RPS6KA2: variants seen among roughly 807,000 people sequenced by gnomAD.
RPS6KA2 encodes ribosomal protein S6 kinase A2.
Under a neutral mutation model 91.8 loss-of-function variants are expected in RPS6KA2, and 42 were observed. The ratio of observed to expected loss-of-function variants is 0.46; its 90% CI spans 0.36 to 0.59. The LOEUF is 0.59. RPS6KA2 is among the 20% of genes least tolerant of loss of function. The pLI is 0.00. For missense variants in RPS6KA2, 798 were observed against 978.5 expected (o/e 0.82, Z 2.46); for synonymous variants, 414 against 393.6 (o/e 1.05, Z -0.61).
intron 12 of RPS6KA2, among the ~76,000 whole-genome samples, chr6:166,454,298 G>C (rs1303854131): frequency 6.6e-6 from 1 of 152,162 alleles, no homozygotes; most frequent in Admixed American, 6.5e-5. Context: ...AGGAGTTCAC[G>C]ACCAGCCTAA....
chr6:166,631,539 T>C (rs1787076140), upstream of RPS6KA2, among the ~76,000 whole-genome samples: 1 of 152,266 alleles, frequency 6.6e-6, no homozygotes, highest in African/African-American at 2.4e-5. Flanking sequence ...TTAAATACTA[T>C]GTTCCTTCAT....
chr6:166,748,783 T>C (rs868490232), intron 2 of RPS6KA2, among the ~76,000 whole-genome samples: 1 of 214 alleles, frequency 4.7e-3, no homozygotes, highest in Non-Finnish European at 6.5e-3. Flanking sequence ...TGGGCCCCCA[T>C]TTCCTCAGGC....
intron 2 of RPS6KA2, chr6:166,757,688 A>T (rs1007993639): frequency 4.5e-6 from 2 of 440,004 alleles, no homozygotes; most frequent in Admixed American, 4.8e-5. Context: ...CGTCCTCGTC[A>T]CCAGGCAGCC....
At chr6:166,836,226 T>G (rs1468005888) in intron 2 of RPS6KA2, among the ~76,000 whole-genome samples, 6 of 152,110 alleles carry the variant, frequency 3.9e-5, no homozygotes, top group Admixed American at 3.9e-4. Flanking sequence ...TCTTGTAATG[T>G]CTTTGCACGG....
intron 1 of RPS6KA2, among the ~76,000 whole-genome samples, chr6:166,583,734 G>A (rs956529528): frequency 3.9e-5 from 6 of 152,350 alleles, no homozygotes; most frequent in African/African-American, 1.2e-4. Flanking sequence ...GGCAGAAGAC[G>A]TATCTCACTT....
intron 2 of RPS6KA2, among the ~76,000 whole-genome samples, chr6:166,532,507 C>T (rs1370920500): frequency 2.6e-5 from 4 of 152,222 alleles, no homozygotes; most frequent in Admixed American, 1.3e-4. Context: ...ATCAGTGTCA[C>T]GCTCTCACCA....
Position 166,575,924 on chromosome 6 carries a change from T to C in RPS6KA2, c.100-37140A>G, listed in dbSNP as rs9457184. On this transcript the variant is annotated intron_variant, in intron 1 of 20. Coordinates refer to ENST00000265678, the MANE Select transcript of RPS6KA2 (RefSeq NM_021135.6). ...ATAGGTGATATGGTTTGGTTCTGTGTCCCCACCCAAATCTCATCTTGAATT... is the reference window on the plus strand; with the variant it reads ...ATAGGTGATATGGTTTGGTTCTGTGCCCCCACCCAAATCTCATCTTGAATT... Among the ~76,000 whole-genome samples the C allele has an allele frequency of 3.3e-3, 505 of 152,336 alleles. 5 individuals are homozygous for C. Among genetic ancestry groups the C allele is most frequent in the African/African-American group, 0.012 (481 of 41,576 alleles).
At chr6:166,511,623 A>G (rs182828570) in intron 3 of RPS6KA2, among the ~76,000 whole-genome samples, 1 of 152,334 alleles carries the variant, frequency 6.6e-6, no homozygotes, top group African/African-American at 2.4e-5. Flanking sequence ...CAGCCCCATG[A>G]GCGATGGGAG....
In RPS6KA2 at chr6:166,835,481, C is replaced by A. The variant is rs181223428; in HGVS notation, c.123+22719G>T. ...GCCATGTTTTGTAATTTTCAGTACA[C>A]AAACCTTGCCCATGTTTTGTAATAT... On this transcript the variant is annotated intron_variant, in intron 2 of 21. Coordinates refer to the RPS6KA2 transcript ENST00000503859. Among the ~76,000 whole-genome samples, 40 of 152,300 alleles carry A rather than the reference C, an allele frequency of 2.6e-4. 1 individual carries two copies. The highest frequency in any genetic ancestry group is 9.4e-4 in the African/African-American group (39 of 41,570).
intron 2 of RPS6KA2, among the ~76,000 whole-genome samples, chr6:166,718,008 C>A (rs1332229514): frequency 6.6e-6 from 1 of 152,104 alleles, no homozygotes; most frequent in East Asian, 1.9e-4. Flanking sequence ...GCTACCACGC[C>A]CAGCTAATTT....
chr6:166,547,546 G>A (rs1783867658), intron 1 of RPS6KA2, among the ~76,000 whole-genome samples: 1 of 152,234 alleles, frequency 6.6e-6, no homozygotes, highest in Admixed American at 6.5e-5. Flanking sequence ...AGATCAGGAT[G>A]AATTATTCAA....
At chr6:166,844,349 AG>A (rs1363296780) in intron 2 of RPS6KA2, among the ~76,000 whole-genome samples, 2 of 152,204 alleles carry the variant, frequency 1.3e-5, no homozygotes, top group African/African-American at 4.8e-5. Flanking sequence ...AAAACATTTG[AG>A]GGAAAAATCA....
intron 2 of RPS6KA2, among the ~76,000 whole-genome samples, chr6:166,844,196 C>T (rs983171329): frequency 2.6e-5 from 4 of 151,888 alleles, no homozygotes; most frequent in South Asian, 2.1e-4. Flanking sequence ...ACAAGGCTTT[C>T]GAATTAACCC....
At chr6:166,742,552 C>A (rs1340759698) in intron 2 of RPS6KA2, among the ~76,000 whole-genome samples, 1 of 152,178 alleles carries the variant, frequency 6.6e-6, no homozygotes, top group Non-Finnish European at 1.5e-5. Context: ...GGAGCTGTGG[C>A]AGCTCTCCCT....
chr6:166,598,373 C>T (rs922882324), intron 1 of RPS6KA2, among the ~76,000 whole-genome samples: 10 of 152,158 alleles, frequency 6.6e-5, no homozygotes, highest in Non-Finnish European at 1.5e-4. Context: ...CATTTATGTT[C>T]TTACAGGAAT....
chr6:166,704,585 C>T (rs1213023838), intron 2 of RPS6KA2, among the ~76,000 whole-genome samples: 5 of 152,230 alleles, frequency 3.3e-5, no homozygotes, highest in Non-Finnish European at 7.3e-5. Context: ...CAGGAACACA[C>T]TTGGATGCCC....
chr6:166,522,934 T>C (rs931890406), intron 3 of RPS6KA2, among the ~76,000 whole-genome samples: 1 of 152,216 alleles, frequency 6.6e-6, no homozygotes, highest in African/African-American at 2.4e-5. Context: ...TATACTCAAG[T>C]ATTTTTTAAA....
At chr6:166,790,836 C>T (rs990183123) in intron 2 of RPS6KA2, among the ~76,000 whole-genome samples, 54 of 152,222 alleles carry the variant, frequency 3.5e-4, no homozygotes, top group African/African-American at 1.2e-3. Context: ...CACCACCAGG[C>T]CTGCCCTAAA....
At chr6:166,686,009 C>T (rs1789000466) in intron 2 of RPS6KA2, among the ~76,000 whole-genome samples, 1 of 152,218 alleles carries the variant, frequency 6.6e-6, no homozygotes, top group African/African-American at 2.4e-5. Flanking sequence ...TCTTTACATT[C>T]ACAGCCTCAG....
Sources: allele counts gnomAD v4.1 joint callset (sites outside exome capture counted in the v4.1 genomes callset), GRCh38; gene constraint gnomAD v4.1.1; transcripts MANE v1.5; gene names NCBI Gene and HGNC (gene_info 2026-07-23, HGNC 2026-07-21).